The following PDZD2 variants were observed in gnomAD, a reference collection of about 807,000 sequenced individuals.
PDZD2 encodes PDZ domain-containing protein 2.
PDZD2 carries 90 observed loss-of-function variants against 220.7 expected under a neutral mutation model. The ratio of observed to expected loss-of-function variants is 0.41; its 90% CI spans 0.34 to 0.49. The LOEUF (loss-of-function observed/expected upper bound fraction) is 0.49, where lower values mean the gene tolerates loss of function less well. PDZD2 is among the 20% of genes least tolerant of loss of function. The pLI is 0.28. For synonymous variants in PDZD2, 1,375 were observed against 1,450.5 expected (o/e 0.95, Z 1.18); for missense variants, 3,174 against 3,608.5 (o/e 0.88, Z 3.08).
chr5:31,926,221 TAAAAAAA>T (rs201595332), intron 2 of PDZD2, among the ~76,000 whole-genome samples: 13 of 143,708 alleles, frequency 9.0e-5, no homozygotes, highest in Non-Finnish European at 1.8e-4. Flanking sequence ...CCCTGTCACT[TAAAAAAA>T]AAAAAAAATT....
chr5:31,788,404 G>A (rs548255026), intron 1 of PDZD2, among the ~76,000 whole-genome samples: 1 of 151,754 alleles, frequency 6.6e-6, no homozygotes, highest in Non-Finnish European at 1.5e-5. Context: ...AGTGGCTCAC[G>A]CCTGTAATCC....
In PDZD2 at chr5:31,730,592, G is replaced by GTGTGGTGT. The variant is rs3222598; in HGVS notation, c.-360-68297_-360-68296insTGTGGTGT. 2.1e-3 allele frequency among the ~76,000 whole-genome samples: 249 copies of GTGTGGTGT among 121,236 alleles called. 1 individual carries two copies. The highest frequency in any genetic ancestry group is 4.8e-3 in the African/African-American group (156 of 32,224). 79.5% of individuals were successfully genotyped at this position (121,236 alleles called of 152,430 possible). ...TGTGTGTGTGTGTGTGTGTGTGTGT[G>GTGTGGTGT]GTGTGTGTGTGTGTGTGTAAGGGAG... is the stretch of plus-strand genomic sequence containing the variant. On this transcript the variant is annotated intron_variant, in intron 1 of 24. Transcript: ENST00000438447.
At chr5:31,658,083 A>G (rs29748) in intron 1 of PDZD2, among the ~76,000 whole-genome samples, 9,242 of 152,284 alleles carry the variant, frequency 0.061, 512 homozygotes, top group East Asian at 0.25. Context: ...TATGAAAGAA[A>G]AAATAATCAC....
chr5:31,737,236 C>G (rs561776824), intron 1 of PDZD2, among the ~76,000 whole-genome samples: 15 of 141,254 alleles, frequency 1.1e-4, no homozygotes, highest in Admixed American at 3.0e-4. Context: ...GCAGTGGCGC[C>G]ATCTCGGCTC....
chr5:31,855,909 C>T (rs978322910), intron 2 of PDZD2, among the ~76,000 whole-genome samples: 1 of 152,150 alleles, frequency 6.6e-6, no homozygotes, highest in Non-Finnish European at 1.5e-5. Context: ...TCAGTCTTGT[C>T]TCATGAGATG....
chr5:31,674,362 T>C (rs1746326174), intron 1 of PDZD2, among the ~76,000 whole-genome samples: 1 of 152,226 alleles, frequency 6.6e-6, no homozygotes, highest in Non-Finnish European at 1.5e-5. Flanking sequence ...ACTTATGGCC[T>C]TTCTCCTTTG....
At chr5:31,727,774 G>A (rs886742985) in intron 1 of PDZD2, among the ~76,000 whole-genome samples, 6 of 151,460 alleles carry the variant, frequency 4.0e-5, no homozygotes, top group Non-Finnish European at 5.9e-5. Flanking sequence ...AGGCCGAGGC[G>A]GGCGGATCAC....
intron 2 of PDZD2, among the ~76,000 whole-genome samples, chr5:31,856,000 C>T (rs922692094): frequency 2.0e-5 from 3 of 152,166 alleles, no homozygotes; most frequent in African/African-American, 7.2e-5. Context: ...AAACAGTAAA[C>T]AAATGCTTTT....
chr5:32,070,636 G>C (rs1475886107), intron 15 of PDZD2, among the ~76,000 whole-genome samples: 1 of 152,186 alleles, frequency 6.6e-6, no homozygotes, highest in African/African-American at 2.4e-5. Context: ...ATGTTCATTT[G>C]TTCATTCATA....
chr5:31,905,526 G>T (rs1742565518), intron 2 of PDZD2, among the ~76,000 whole-genome samples: 1 of 152,200 alleles, frequency 6.6e-6, no homozygotes, highest in South Asian at 2.1e-4. Context: ...GTGGAGTTCA[G>T]TTTACCACTG....
At chr5:31,774,937 AGCATTTGCCAATT>A (rs1337773833) in intron 1 of PDZD2, among the ~76,000 whole-genome samples, 1 of 152,198 alleles carries the variant, frequency 6.6e-6, no homozygotes, top group Non-Finnish European at 1.5e-5. Flanking sequence ...CCTGATTTGT[AGCATTTGCCAATT>A]TCTGTGGTGT....
At chr5:31,687,724 G>A (rs1352801543) in intron 1 of PDZD2, among the ~76,000 whole-genome samples, 2 of 152,140 alleles carry the variant, frequency 1.3e-5, no homozygotes, top group African/African-American at 4.8e-5. Context: ...CAACACGGCC[G>A]GGTTCTAGCG....
intron 1 of PDZD2, among the ~76,000 whole-genome samples, chr5:31,760,880 C>A (rs1242772594): frequency 6.6e-6 from 1 of 152,152 alleles, no homozygotes; most frequent in African/African-American, 2.4e-5. Context: ...CGAGATCACG[C>A]CACTGCACTC....
intron 2 of PDZD2, among the ~76,000 whole-genome samples, chr5:31,954,868 C>T (rs181533209): frequency 7.9e-4 from 120 of 152,100 alleles, no homozygotes; most frequent in Non-Finnish European, 1.4e-3. Flanking sequence ...ACCCGGGAGG[C>T]GAAGGTTGCA....
At chr5:32,091,443 C>A (rs962636592) in intron 20 of PDZD2, among the ~76,000 whole-genome samples, 1 of 151,768 alleles carries the variant, frequency 6.6e-6, no homozygotes, top group Admixed American at 6.6e-5. Context: ...CACCACCACA[C>A]CTGGCTAATT....
chr5:31,808,293 G>T (rs1035413214), intron 2 of PDZD2, among the ~76,000 whole-genome samples: 2 of 152,238 alleles, frequency 1.3e-5, no homozygotes, highest in Non-Finnish European at 2.9e-5. Flanking sequence ...AAAAGCCAGA[G>T]AAGCATGTAA....
At position 31,850,226 on chromosome 5, in the gene PDZD2, G is replaced by GTA. The variant is rs752884909; in HGVS notation, c.476+50519_476+50520dup. Among the ~76,000 whole-genome samples the GTA allele has an allele frequency of 6.4e-3, 643 of 101,170 alleles. 33 individuals carry two copies. The highest frequency in any genetic ancestry group is 0.013 in the South Asian group (44 of 3,340). 66.4% of individuals were successfully genotyped at this position (101,170 alleles called of 152,430 possible). On this transcript the variant is annotated intron_variant, in intron 2 of 24. Coordinates refer to ENST00000438447, the MANE Select transcript of PDZD2 (RefSeq NM_178140.4). ...TAAGTATATATGTGTATATATATAA[G>GTA]TATATATATATATATATACACACAC...
At chr5:31,990,637 A>G (rs1324114779) in intron 3 of PDZD2, among the ~76,000 whole-genome samples, 1 of 152,326 alleles carries the variant, frequency 6.6e-6, no homozygotes, top group African/African-American at 2.4e-5. Flanking sequence ...AGATTAGCGG[A>G]TAAACATTCT....
chr5:31,839,294 T>C (rs1757130115), intron 2 of PDZD2, among the ~76,000 whole-genome samples: 1 of 152,156 alleles, frequency 6.6e-6, no homozygotes, highest in African/African-American at 2.4e-5. Flanking sequence ...ATGTTTGCTT[T>C]AGTGATATTT....
Sources: gnomAD v4.1 joint callset for allele counts (sites outside exome capture counted in the v4.1 genomes callset) on GRCh38, gnomAD v4.1.1 for gene constraint, MANE v1.5 for transcripts, NCBI Gene and HGNC (gene_info 2026-07-23, HGNC 2026-07-21) for gene names.